ADGRB3: variants seen among roughly 807,000 people sequenced by gnomAD.
ADGRB3 encodes the protein brain-specific angiogenesis inhibitor 3.
A neutral mutation model predicts 193.4 loss-of-function variants in ADGRB3; 37 were observed. That is an observed-to-expected ratio of 0.19 (90% confidence interval 0.15 to 0.25). ADGRB3 has a LOEUF of 0.25. ADGRB3 is among the 10% of genes least tolerant of loss of function. The pLI, the probability that ADGRB3 is intolerant of heterozygous loss-of-function variation, is 1.00. For synonymous variants in ADGRB3, 690 were observed against 644.2 expected (o/e 1.07, Z -1.08); for missense variants, 1,637 against 1,852.9 (o/e 0.88, Z 2.14).
intron 24 of ADGRB3, among the ~76,000 whole-genome samples, chr6:69,334,472 G>A (rs1582639382): frequency 6.6e-6 from 1 of 152,266 alleles, no homozygotes; most frequent in East Asian, 1.9e-4. Context: ...TTCTTCCTGA[G>A]CGGGGATCAC....
chr6:69,176,206 T>C (rs776848315), intron 17 of ADGRB3, among the ~76,000 whole-genome samples: 3 of 152,244 alleles, frequency 2.0e-5, no homozygotes, highest in Non-Finnish European at 4.4e-5. Context: ...GGCATCCTTA[T>C]CTTGTTCCAT....
chr6:69,136,455 A>G (rs772162838), intron 17 of ADGRB3, among the ~76,000 whole-genome samples: 3 of 152,176 alleles, frequency 2.0e-5, no homozygotes, highest in Non-Finnish European at 4.4e-5. Flanking sequence ...AATGCTACTG[A>G]TGCTTTATGA....
intron 31 of ADGRB3, among the ~76,000 whole-genome samples, chr6:69,385,822 T>G (rs1330054146): frequency 1.3e-5 from 2 of 152,030 alleles, no homozygotes; most frequent in African/African-American, 4.8e-5. Flanking sequence ...CTTGGACAAT[T>G]GACAATATTA....
At chr6:68,787,263 C>G (rs1362498570) in intron 3 of ADGRB3, among the ~76,000 whole-genome samples, 1 of 152,186 alleles carries the variant, frequency 6.6e-6, no homozygotes, top group Non-Finnish European at 1.5e-5. Context: ...CAGTTTTTGC[C>G]CATTCAGTAT....
chr6:68,786,535 C>T (rs974476543), intron 3 of ADGRB3, among the ~76,000 whole-genome samples: 4 of 152,128 alleles, frequency 2.6e-5, no homozygotes, highest in African/African-American at 9.7e-5. Flanking sequence ...GTACCAGTAC[C>T]ATGCTGTTTT....
At chr6:68,805,446 C>T (rs905134299) in intron 3 of ADGRB3, among the ~76,000 whole-genome samples, 9 of 152,128 alleles carry the variant, frequency 5.9e-5, no homozygotes, top group Non-Finnish European at 1.2e-4. Flanking sequence ...CTTCATCCTG[C>T]TTAGTGAATA....
intron 3 of ADGRB3, among the ~76,000 whole-genome samples, chr6:68,928,258 G>A (rs906457767): frequency 6.6e-6 from 1 of 152,144 alleles, no homozygotes; most frequent in Non-Finnish European, 1.5e-5. Context: ...GGCCATGGTG[G>A]CTCCTACCTG....
At chr6:69,192,946 T>G (rs1229989796) in intron 17 of ADGRB3, among the ~76,000 whole-genome samples, 1 of 152,126 alleles carries the variant, frequency 6.6e-6, no homozygotes, top group Non-Finnish European at 1.5e-5. Flanking sequence ...AACATAAACT[T>G]GGCCAAGTTA....
chr6:69,275,884 G>A (rs532551607), intron 20 of ADGRB3, among the ~76,000 whole-genome samples: 1 of 152,216 alleles, frequency 6.6e-6, no homozygotes, highest in Admixed American at 6.5e-5. Flanking sequence ...CTGGAGGAAA[G>A]GAGAATCCAT....
intron 20 of ADGRB3, among the ~76,000 whole-genome samples, chr6:69,294,306 T>G (rs1271112943): frequency 6.6e-6 from 1 of 152,144 alleles, no homozygotes; most frequent in Non-Finnish European, 1.5e-5. Flanking sequence ...TCTGACAATC[T>G]GAATCTTTTT....
chr6:69,271,398 CAATGATAAGATAGTTTCATAAAT>C (rs1210439458), intron 20 of ADGRB3, among the ~76,000 whole-genome samples: 5 of 152,006 alleles, frequency 3.3e-5, no homozygotes, highest in African/African-American at 1.2e-4. Context: ...ATGCATAGAT[CAATGATAAGATAGTTTCATAAAT>C]GAAGTATTAA....
chr6:68,775,835 C>G (rs1307401940), intron 3 of ADGRB3, among the ~76,000 whole-genome samples: 3 of 152,076 alleles, frequency 2.0e-5, no homozygotes, highest in Non-Finnish European at 4.4e-5. Flanking sequence ...AAGTATTTTT[C>G]TTTTTCTTTG....
At chr6:69,310,093 T>C (rs1445937801) in intron 20 of ADGRB3, among the ~76,000 whole-genome samples, 1 of 151,780 alleles carries the variant, frequency 6.6e-6, no homozygotes, top group Non-Finnish European at 1.5e-5. Flanking sequence ...CTGTATAATT[T>C]AAACTCACGA....
intron 3 of ADGRB3, among the ~76,000 whole-genome samples, chr6:68,854,449 C>A (rs1419623941): frequency 6.6e-6 from 1 of 152,044 alleles, no homozygotes; most frequent in Non-Finnish European, 1.5e-5. Flanking sequence ...TAGATTTAAC[C>A]ATTCTACAAT....
At chr6:69,258,180 A>C (rs1766824043) in intron 20 of ADGRB3, among the ~76,000 whole-genome samples, 1 of 144,144 alleles carries the variant, frequency 6.9e-6, no homozygotes, top group Non-Finnish European at 1.5e-5. Context: ...TTGTGTCAGT[A>C]GGAAGAATTA....
intron 3 of ADGRB3, among the ~76,000 whole-genome samples, chr6:68,926,179 G>A (rs991387263): frequency 6.6e-6 from 1 of 152,010 alleles, no homozygotes; most frequent in Admixed American, 6.6e-5. Context: ...AATAAATATT[G>A]AACTTCAGTT....
chr6:68,694,001 T>A (rs1480787738), intron 3 of ADGRB3, among the ~76,000 whole-genome samples: 1 of 152,052 alleles, frequency 6.6e-6, no homozygotes, highest in Non-Finnish European at 1.5e-5. Context: ...TTCTGTGATG[T>A]ATATTGGTCT....
chr6:69,087,187 T>C (rs947094571), intron 17 of ADGRB3, among the ~76,000 whole-genome samples: 14 of 149,056 alleles, frequency 9.4e-5, no homozygotes. Flanking sequence ...ATTTATTTTC[T>C]TTCATTGTTG....
At chr6:69,029,708 T>C (rs1770567694) in intron 13 of ADGRB3, among the ~76,000 whole-genome samples, 1 of 152,124 alleles carries the variant, frequency 6.6e-6, no homozygotes, top group Non-Finnish European at 1.5e-5. Context: ...AGGAGTGTGC[T>C]TGAGTAGTAT....
Sources: allele counts gnomAD v4.1 joint callset (sites outside exome capture counted in the v4.1 genomes callset), GRCh38; gene constraint gnomAD v4.1.1; transcripts MANE v1.5; gene names NCBI Gene and HGNC (gene_info 2026-07-23, HGNC 2026-07-21).